Variants in MELTF observed in about 807,000 individuals in gnomAD.
MELTF encodes melanotransferrin, also known as antigen p97 (melanoma associated) identified by monoclonal antibodies 133.2 and 96.5.
In MELTF, 67 loss-of-function variants were observed where a neutral mutation model predicts 83.7. That is an observed-to-expected ratio of 0.80 (90% CI 0.66 to 0.98). The LOEUF (loss-of-function observed/expected upper bound fraction) is 0.98, where lower values mean the gene tolerates loss of function less well. MELTF is among the 50% of genes least tolerant of loss of function. MELTF has a pLI of 0.00. For missense variants in MELTF, 1,002 were observed against 1,035.6 expected (o/e 0.97, Z 0.44); for synonymous variants, 462 against 447.6 (o/e 1.03, Z -0.41).
Position 197,022,842 on chromosome 3 carries a change from G to A in MELTF, c.644+115C>T. ...ATAAAGGGTGCTTTGATGAGACGCA[G>A]CCAACATGCCACTTCCCCCTCCACG... is the stretch of plus-strand genomic sequence containing the variant. On this transcript the variant is annotated intron_variant, in intron 5 of 15. Transcript: ENST00000296350. The surrounding 1 kb of genome is among the most constrained non-coding windows in gnomAD (Gnocchi z 5.1). 1 of 1,003,450 alleles carries A rather than the reference G, an allele frequency of 1.0e-6. No homozygotes were observed. The highest frequency in any genetic ancestry group is 2.4e-5 in the East Asian group (1 of 41,390). The allele number at this position is 1,003,450 out of a possible 1,614,324, so 62.2% of individuals were successfully genotyped here. A position where few individuals can be genotyped will look rare whatever the true frequency, so the allele number is the denominator to read the frequency against.
In MELTF at chr3:197,022,886, T is replaced by G; in HGVS notation, c.644+71A>C. 3.5e-6 allele frequency: 5 copies of G among 1,439,116 alleles called. No homozygotes were observed. Among genetic ancestry groups the G allele is most frequent in the Non-Finnish European group, 4.7e-6 (5 of 1,057,532 alleles). 89.1% of individuals were successfully genotyped at this position (1,439,116 alleles called of 1,614,324 possible). On this transcript the variant is annotated intron_variant, in intron 5 of 15. Transcript: ENST00000296350. This position sits in a 1 kb window ranked among gnomAD's most constrained non-coding sequence, Gnocchi z 5.1. ...CTCCACGGCCCTCTCTGGGCAAAGG[T>G]GTTTTTCCCCAGCATTTGTGGCCTC...
rs1446999551 is a variant in MELTF at position 197,024,185 on chromosome 3, T to G, written c.487+118A>C. ...GGGGCGGGCGGGGGCTGCTGCGCCT[T>G]CCAGGAATGAAGAATGGTGGCGAGG... is the stretch of plus-strand genomic sequence containing the variant. On this transcript the variant is annotated intron_variant, in intron 4 of 15. Transcript: ENST00000296350. This position sits in a 1 kb window ranked among gnomAD's most constrained non-coding sequence, Gnocchi z 5.3. The G allele has an allele frequency of 8.4e-7, 1 of 1,186,136 alleles. No homozygotes were observed. The allele number at this position is 1,186,136 out of a possible 1,614,324, so 73.5% of individuals were successfully genotyped here. A position where few individuals can be genotyped will look rare whatever the true frequency, so the allele number is the denominator to read the frequency against.
In MELTF at chr3:197,022,073, A is replaced by G. The variant is rs117262214; in HGVS notation, c.645-602T>C. 7.8e-4 allele frequency among the ~76,000 whole-genome samples: 118 copies of G among 152,244 alleles called. 2 individuals carry two copies. In the East Asian group the frequency reaches 0.021, roughly 27 times the overall value. On this transcript the variant is annotated intron_variant, in intron 5 of 15. Transcript: ENST00000296350. This position sits in a 1 kb window ranked among gnomAD's most constrained non-coding sequence, Gnocchi z 5.1. ...ACCCTGAGGCAGGGGATTGGACTAG[A>G]AGGCCTTTTCATGCCATGCCGCAGA... is the stretch of plus-strand genomic sequence containing the variant.
At chr3:197,014,426 C>T (rs1242889055) in intron 9 of MELTF, among the ~76,000 whole-genome samples, 1 of 121,592 alleles carries the variant, frequency 8.2e-6, no homozygotes, top group Non-Finnish European at 1.6e-5. Flanking sequence ...TCTCTCTTGT[C>T]GCCCAGGCTG....
In MELTF at chr3:197,024,637, G is replaced by A; in HGVS notation, c.305-152C>T. On this transcript the variant is annotated intron_variant, in intron 3 of 15. Coordinates refer to ENST00000296350, the MANE Select transcript of MELTF (RefSeq NM_005929.6). The surrounding 1 kb of genome is among the most constrained non-coding windows in gnomAD (Gnocchi z 5.3). ...GCATAGCGTTCTCGTTACCAAGAGA[G>A]CAAGTGGGCTTCATCTGCATGTATT... 2 of 546,242 alleles carry A rather than the reference G, an allele frequency of 3.7e-6. No individual in the cohort carries two copies. The highest frequency in any genetic ancestry group is 3.4e-5 in the East Asian group (1 of 29,626). The allele number at this position is 546,242 out of a possible 1,614,324, so 33.8% of individuals were successfully genotyped here. A position where few individuals can be genotyped will look rare whatever the true frequency, so the allele number is the denominator to read the frequency against.
intron 6 of MELTF, among the ~76,000 whole-genome samples, chr3:197,021,044 G>A (rs1466601860): frequency 6.6e-6 from 1 of 152,184 alleles, no homozygotes; most frequent in Admixed American, 6.5e-5. Context: ...ATGCCAGGAA[G>A]GGCTGGTAGG....
chr3:197,010,706 T>C lies in MELTF; in HGVS notation c.1322A>G (p.His441Arg). 1.2e-6 allele frequency: 2 copies of C among 1,612,966 alleles called. No individual in the cohort carries two copies. Among genetic ancestry groups the C allele is most frequent in the Non-Finnish European group, 1.7e-6 (2 of 1,179,788 alleles). ...TYGLVPAAGEHYAPEDSSNSY... is the reference protein window; with the variant it reads ...TYGLVPAAGERYAPEDSSNSY... ...GCAGGCCCTGCACTCACGGGCATAGTGCTCCCCGGCTGCGGGAACCAGGCC... is the reference window on the plus strand; with the variant it reads ...GCAGGCCCTGCACTCACGGGCATAGCGCTCCCCGGCTGCGGGAACCAGGCC... The change falls in exon 10 of 16, where the codon CAC becomes CGC. Residue 441 changes from histidine to arginine, a missense_variant. Transcript: ENST00000296350.
In MELTF at chr3:197,021,292, A is replaced by G. The variant is rs980477243; in HGVS notation, c.712+112T>C. The G allele has an allele frequency of 3.3e-5, 31 of 946,438 alleles. No homozygotes were observed. The African/African-American group carries it at 4.4e-4, about 13-fold the overall frequency. The allele number at this position is 946,438 out of a possible 1,614,324, so 58.6% of individuals were successfully genotyped here. ...TGTCCAAGGTCACCCAGAGACTCAGAGCAGCACTGCACTAGGGCGTTTGAT... is the reference window on the plus strand; with the variant it reads ...TGTCCAAGGTCACCCAGAGACTCAGGGCAGCACTGCACTAGGGCGTTTGAT... On this transcript the variant is annotated intron_variant, in intron 6 of 15. Coordinates refer to ENST00000296350, the MANE Select transcript of MELTF (RefSeq NM_005929.6).
At position 197,008,839 on chromosome 3, in the gene MELTF, T is replaced by C. The variant is rs749407219; in HGVS notation, c.1652A>G (p.Glu551Gly). Residue 551 changes from glutamate to glycine, a missense_variant, in exon 12 of 16, where the codon GAG becomes GGG. Glu to Gly is a moderately conservative substitution (Grantham distance 98, BLOSUM62 -2). Coordinates refer to ENST00000296350, the MANE Select transcript of MELTF (RefSeq NM_005929.6). This position sits in a 1 kb window ranked among gnomAD's most constrained non-coding sequence, Gnocchi z 5.4. Reference sequence around the variant, plus strand: ...GGCGCCGCGGTAGCCGTAATACCGCTCCTGGCTGTTGCCCACACACTTGTT... The same window carrying C: ...GGCGCCGCGGTAGCCGTAATACCGCCCCTGGCTGTTGCCCACACACTTGTT... ...GRNKCVGNSQ[E>G]RYYGYRGAFR... 6.2e-7 allele frequency: 1 copy of C among 1,614,152 alleles called. No individual in the cohort carries two copies.
chr3:197,017,780 G>A (rs1038940500), intron 6 of MELTF, among the ~76,000 whole-genome samples: 1 of 152,154 alleles, frequency 6.6e-6, no homozygotes, highest in Admixed American at 6.5e-5. Flanking sequence ...GGGAGGCTGA[G>A]GCAGGAGAAT....
rs1194224160 is a variant in MELTF, at chr3:197,008,363, A to T, written c.1750+294T>A. Among the ~76,000 whole-genome samples the T allele has an allele frequency of 1.3e-5, 2 of 152,118 alleles. No homozygotes were observed. The highest frequency in any genetic ancestry group is 4.8e-5 in the African/African-American group (2 of 41,406). ...CTTGGCACTACATCAATACTCCCAG[A>T]AGGGGGTCTTTCCAGATTGACTGGG... On this transcript the variant is annotated intron_variant, in intron 13 of 15. Coordinates refer to ENST00000296350, the MANE Select transcript of MELTF (RefSeq NM_005929.6). This position sits in a 1 kb window ranked among gnomAD's most constrained non-coding sequence, Gnocchi z 5.4.
chr3:197,017,256 C>G lies in MELTF; in HGVS notation c.747G>C (p.Leu249=). ...GGCACAGCAGCTCGAAGTCCTGTGA[C>G]AGCAGGGCCTGGCCCCAGGAGGGAA... ...KTLPSWGQAL[L]SQDFELLCRD... is the part of the protein sequence containing the mutation. Residue 249 remains leucine, a synonymous_variant, in exon 7 of 16, where the codon CTG becomes CTC. Transcript: ENST00000296350. 1 of 1,579,694 alleles carries G rather than the reference C, an allele frequency of 6.3e-7. No individual in the cohort carries two copies. The highest frequency in any genetic ancestry group is 8.6e-7 in the Non-Finnish European group (1 of 1,163,486).
chr3:197,019,501 G>A, intron 6 of MELTF: 1 of 1,498,142 alleles, frequency 6.7e-7, no homozygotes, highest in Middle Eastern at 1.9e-4. Context: ...TACTCAGGAG[G>A]CTGAGATGCG....
chr3:197,023,908 G>T (rs1242444918), intron 4 of MELTF: 1 of 468,324 alleles, frequency 2.1e-6, no homozygotes, highest in South Asian at 1.5e-5. Context: ...CCTCGTTTGG[G>T]TCCTGAAAAA....
chr3:197,022,702 T>C lies in MELTF; in HGVS notation c.644+255A>G, dbSNP rs1296856267. On this transcript the variant is annotated intron_variant, in intron 5 of 15. Transcript: ENST00000296350. The surrounding 1 kb of genome is among the most constrained non-coding windows in gnomAD (Gnocchi z 5.1). ...GGCCAAAAGGCTGTTTTTTCCATTT[T>C]CTTCTCTTGGAGCCCTCACCTCACT... Among the ~76,000 whole-genome samples the C allele has an allele frequency of 6.6e-6, 1 of 152,176 alleles. No individual in the cohort carries two copies. The highest frequency in any genetic ancestry group is 1.5e-5 in the Non-Finnish European group (1 of 68,038).
rs985083800 is a variant in MELTF, at chr3:197,002,006, T to C, written c.*1366A>G. The C allele has an allele frequency of 8.5e-5, 13 of 152,178 alleles. No homozygotes were observed. The highest frequency in any genetic ancestry group is 2.7e-4 in the African/African-American group (11 of 41,434). 9.4% of individuals were successfully genotyped at this position (152,178 alleles called of 1,614,324 possible). On this transcript the variant is annotated 3_prime_UTR_variant, in exon 16 of 16. Transcript: ENST00000296350. ...AATCGTCAGGTCGGAGGAGAATCACTAGCCCCCCACAGCGAGAGGGGACAA... is the reference window on the plus strand; with the variant it reads ...AATCGTCAGGTCGGAGGAGAATCACCAGCCCCCCACAGCGAGAGGGGACAA...
In MELTF at chr3:197,010,718, G is replaced by C. The variant is rs752430806; in HGVS notation, c.1310C>G (p.Ala437Gly). The C allele has an allele frequency of 4.3e-6, 7 of 1,613,220 alleles. No individual in the cohort carries two copies. Among genetic ancestry groups the C allele is most frequent in the Middle Eastern group, 1.6e-4 (1 of 6,084 alleles). The change falls in exon 10 of 16, where the codon GCA (alanine) becomes GGA (glycine). Residue 437 changes from alanine to glycine, a missense_variant. Physicochemically the swap from Ala to Gly is moderately conservative, Grantham distance 60 (BLOSUM62 0). Transcript: ENST00000296350. ...TAGKTYGLVPAAGEHYAPEDS... is the reference protein window; with the variant it reads ...TAGKTYGLVPGAGEHYAPEDS... ...CTCACGGGCATAGTGCTCCCCGGCT[G>C]CGGGAACCAGGCCGTACGTCTTCCC...
Position 197,024,584 on chromosome 3 carries a change from C to G in MELTF, c.305-99G>C, listed in dbSNP as rs999606843. 11 of 1,067,602 alleles carry G rather than the reference C, an allele frequency of 1.0e-5. No individual in the cohort carries two copies. The East Asian group carries it at 2.0e-4, about 20-fold the overall frequency. The allele number at this position is 1,067,602 out of a possible 1,614,324, so 66.1% of individuals were successfully genotyped here. A position where few individuals can be genotyped will look rare whatever the true frequency, so the allele number is the denominator to read the frequency against. On this transcript the variant is annotated intron_variant, in intron 3 of 15. Coordinates refer to ENST00000296350, the MANE Select transcript of MELTF (RefSeq NM_005929.6). This position sits in a 1 kb window ranked among gnomAD's most constrained non-coding sequence, Gnocchi z 5.3. ...GCGGGCTGTGGGAGAGGTGTGTGCA[C>G]GGAGCACGGCTGTACACACGGATGT... is the stretch of plus-strand genomic sequence containing the variant.
rs566018841 is a variant in MELTF, at chr3:197,022,094, G to A, written c.645-623C>T. Among the ~76,000 whole-genome samples, 4 of 152,178 alleles carry A rather than the reference G, an allele frequency of 2.6e-5. No individual in the cohort carries two copies. The highest frequency in any genetic ancestry group is 5.9e-5 in the Non-Finnish European group (4 of 68,030). On this transcript the variant is annotated intron_variant, in intron 5 of 15. Coordinates refer to ENST00000296350, the MANE Select transcript of MELTF (RefSeq NM_005929.6). The surrounding 1 kb of genome is among the most constrained non-coding windows in gnomAD (Gnocchi z 5.1). The stretch of plus-strand genomic sequence containing the variant: ...CTAGAAGGCCTTTTCATGCCATGCC[G>A]CAGAATCCTCAGTGGAAGGGACCAT...
Sources: allele counts gnomAD v4.1 joint callset (sites outside exome capture counted in the v4.1 genomes callset), GRCh38; gene constraint gnomAD v4.1.1; non-coding constraint Gnocchi (gnomAD v3.1); transcripts MANE v1.5; gene names NCBI Gene and HGNC (gene_info 2026-07-23, HGNC 2026-07-21).